SYNPR: variants seen among roughly 807,000 people sequenced by gnomAD.
SYNPR encodes synaptoporin.
In SYNPR, 23 loss-of-function variants were observed where a neutral mutation model predicts 32.9. That is an observed-to-expected ratio of 0.70 (90% CI 0.50 to 0.99). SYNPR has a LOEUF of 0.99. SYNPR is among the 50% of genes least tolerant of loss of function. The pLI is 0.00. For synonymous variants in SYNPR, 146 were observed against 135.9 expected (o/e 1.07, Z -0.52); for missense variants, 318 against 349.3 (o/e 0.91, Z 0.71).
At chr3:63,286,273 T>C (rs1429179043) in intron 2 of SYNPR, among the ~76,000 whole-genome samples, 1 of 150,452 alleles carries the variant, frequency 6.6e-6, no homozygotes, top group Non-Finnish European at 1.5e-5. Flanking sequence ...TGCAAGCACT[T>C]GGCCTTCAGG....
intron 2 of SYNPR, among the ~76,000 whole-genome samples, chr3:63,332,550 A>C (rs2106985675): frequency 6.6e-6 from 1 of 152,322 alleles, no homozygotes; most frequent in East Asian, 1.9e-4. Flanking sequence ...GAAGGAGGGA[A>C]GAAAGGGAGA....
chr3:63,533,952 G>C (rs181887904), intron 3 of SYNPR, among the ~76,000 whole-genome samples: 1 of 152,108 alleles, frequency 6.6e-6, no homozygotes, highest in African/African-American at 2.4e-5. Flanking sequence ...TGCTACTGTC[G>C]ATGACAGTAT....
At chr3:63,456,397 G>T (rs13319524) in intron 2 of SYNPR, among the ~76,000 whole-genome samples, 27,979 of 152,024 alleles carry the variant, frequency 0.18, 2,707 homozygotes, top group Middle Eastern at 0.26. Flanking sequence ...AACTTGCTGG[G>T]TGAAGAGTAA....
chr3:63,269,565 A>G (rs1382890592), intron 3 of SYNPR, among the ~76,000 whole-genome samples: 1 of 152,120 alleles, frequency 6.6e-6, no homozygotes, highest in African/African-American at 2.4e-5. Context: ...TTTTAATGTG[A>G]TTATTGTTAT....
intron 2 of SYNPR, among the ~76,000 whole-genome samples, chr3:63,344,967 G>A (rs1389091552): frequency 1.3e-5 from 2 of 152,234 alleles, no homozygotes; most frequent in South Asian, 4.1e-4. Context: ...AATGGGTCTG[G>A]GTGGAGTCAG....
chr3:63,359,080 T>C (rs544415797), intron 2 of SYNPR, among the ~76,000 whole-genome samples: 50 of 152,324 alleles, frequency 3.3e-4, no homozygotes, highest in African/African-American at 1.2e-3. Context: ...ATATTTTCCA[T>C]GTATTTTTTC....
At chr3:63,369,448 A>G (rs1199334967) in intron 2 of SYNPR, among the ~76,000 whole-genome samples, 7 of 152,260 alleles carry the variant, frequency 4.6e-5, no homozygotes, top group African/African-American at 1.7e-4. Context: ...ACCTGCAAAA[A>G]CAACATAAAA....
intron 4 of SYNPR, among the ~76,000 whole-genome samples, chr3:63,583,128 G>A (rs537519407): frequency 6.6e-6 from 1 of 152,180 alleles, no homozygotes; most frequent in East Asian, 1.9e-4. Flanking sequence ...GCATGGTGGG[G>A]AGATCATAAG....
intron 3 of SYNPR, among the ~76,000 whole-genome samples, chr3:63,551,871 A>ATTTG (rs2106821697): frequency 7.0e-5 from 2 of 28,580 alleles, no homozygotes; most frequent in African/African-American, 2.9e-4. Flanking sequence ...GCATCTAGCT[A>ATTTG]TTTATTTATT....
chr3:63,568,771 G>T (rs1429297678), intron 4 of SYNPR, among the ~76,000 whole-genome samples: 1 of 152,096 alleles, frequency 6.6e-6, no homozygotes, highest in Non-Finnish European at 1.5e-5. Context: ...AGAAATTGAG[G>T]CCCTGAATTC....
intron 2 of SYNPR, among the ~76,000 whole-genome samples, chr3:63,382,633 C>T (rs920464592): frequency 1.3e-5 from 2 of 152,268 alleles, no homozygotes; most frequent in Middle Eastern, 3.4e-3. Flanking sequence ...AAAGAAATCT[C>T]GGGGAACACA....
At chr3:63,528,355 A>G (rs1702053622) in intron 3 of SYNPR, among the ~76,000 whole-genome samples, 1 of 152,196 alleles carries the variant, frequency 6.6e-6, no homozygotes, top group Non-Finnish European at 1.5e-5. Context: ...CACTGTTAAT[A>G]TTCAAGAGGG....
chr3:63,225,552 A>G (rs1319263122), upstream of SYNPR, among the ~76,000 whole-genome samples: 1 of 152,196 alleles, frequency 6.6e-6, no homozygotes, highest in Non-Finnish European at 1.5e-5. Flanking sequence ...CACTTTTAGG[A>G]TCAAAAACTT....
chr3:63,339,811 C>G (rs1294428475), intron 2 of SYNPR, among the ~76,000 whole-genome samples: 1 of 152,164 alleles, frequency 6.6e-6, no homozygotes, highest in African/African-American at 2.4e-5. Context: ...GCATGCCCAC[C>G]ATGTCCAGCT....
intron 4 of SYNPR, among the ~76,000 whole-genome samples, chr3:63,571,562 C>T (rs1222698526): frequency 6.6e-6 from 1 of 151,876 alleles, no homozygotes; most frequent in Non-Finnish European, 1.5e-5. Context: ...TATGAATTAC[C>T]CTCAAAGAGA....
rs559798737 is a variant in SYNPR, at chr3:63,447,990, C to T, written c.85-32842C>T. ...TCCCCAGGGGACTTATTTAGCCTTG[C>T]CTACAGAATATTTATTTATTTATTT... On this transcript the variant is annotated intron_variant, in intron 2 of 5. Coordinates refer to ENST00000478300, the MANE Select transcript of SYNPR (RefSeq NM_001130003.2). 1.6e-4 allele frequency among the ~76,000 whole-genome samples: 22 copies of T among 139,828 alleles called. 1 individual carries two copies. In the South Asian group the frequency reaches 5.9e-3, roughly 37 times the overall value. 91.7% of individuals were successfully genotyped at this position (139,828 alleles called of 152,430 possible).
At chr3:63,540,887 C>T (rs1044334660) in intron 3 of SYNPR, among the ~76,000 whole-genome samples, 2 of 129,210 alleles carry the variant, frequency 1.5e-5, no homozygotes, top group Admixed American at 8.4e-5. Flanking sequence ...CCTCCTATCA[C>T]TCCTACACAC....
At chr3:63,554,612 C>T (rs1015549314) in intron 3 of SYNPR, among the ~76,000 whole-genome samples, 4 of 152,092 alleles carry the variant, frequency 2.6e-5, no homozygotes, top group Non-Finnish European at 5.9e-5. Flanking sequence ...GTTGCTCTAG[C>T]CTTGTGGTAT....
At chr3:63,560,933 G>A (rs1035329463) in intron 4 of SYNPR, among the ~76,000 whole-genome samples, 17 of 151,868 alleles carry the variant, frequency 1.1e-4, no homozygotes, top group Non-Finnish European at 2.5e-4. Flanking sequence ...TCATTATTTG[G>A]GCAACTTCAT....
Sources: gnomAD v4.1 joint callset for allele counts (sites outside exome capture counted in the v4.1 genomes callset) on GRCh38, gnomAD v4.1.1 for gene constraint, MANE v1.5 for transcripts, NCBI Gene and HGNC (gene_info 2026-07-23, HGNC 2026-07-21) for gene names.